Variants in COL15A1 observed in about 807,000 individuals in gnomAD.
The protein encoded by COL15A1 is collagen alpha-1(XV) chain.
COL15A1 carries 111 observed loss-of-function variants against 165.9 expected under a neutral mutation model. That is an observed-to-expected ratio of 0.67 (90% CI 0.57 to 0.78). COL15A1 has a LOEUF of 0.78. Ranked by LOEUF, COL15A1 falls within the 30% of genes least tolerant of loss-of-function variation. COL15A1 has a pLI of 0.00. For missense variants in COL15A1, 1,745 were observed against 1,789.7 expected (o/e 0.98, Z 0.45); for synonymous variants, 659 against 674.8 (o/e 0.98, Z 0.36).
chr9:98,956,815 CA>C (rs1292715890), intron 2 of COL15A1, among the ~76,000 whole-genome samples: 1 of 152,248 alleles, frequency 6.6e-6, no homozygotes, highest in African/African-American at 2.4e-5. Context: ...GCTTCACCCC[CA>C]GAACTCATAA....
intron 23 of COL15A1, 71 bp from the exon 24 acceptor site, chr9:99,041,974 A>T: frequency 9.7e-7 from 1 of 1,030,364 alleles, no homozygotes; most frequent in South Asian, 1.4e-5. Context: ...TTGAGAAAAA[A>T]TATATTTCTG....
In COL15A1 at chr9:98,986,128, A is replaced by G; in HGVS notation, c.648+16A>G. On this transcript the variant is annotated intron_variant, in intron 3 of 41. Coordinates refer to ENST00000375001, the MANE Select transcript of COL15A1 (RefSeq NM_001855.5). ...GAGATTCACTGTGAGTTAAAGTCCC[A>G]CTCCAGGTAGATCAGGGAGGTGGAT... 1 of 1,597,562 alleles carries G rather than the reference A, an allele frequency of 6.3e-7. No individual in the cohort carries two copies. Among genetic ancestry groups the G allele is most frequent in the Non-Finnish European group, 8.6e-7 (1 of 1,167,932 alleles).
At chr9:99,065,820 C>T (rs1289617250) in intron 39 of COL15A1, among the ~76,000 whole-genome samples, 1 of 151,396 alleles carries the variant, frequency 6.6e-6, no homozygotes, top group East Asian at 1.9e-4. Flanking sequence ...TGGGGCCAGT[C>T]TGGACACTCA....
intron 9 of COL15A1, 55 bp from the exon 10 acceptor site, chr9:99,015,362 C>T (rs542962372): frequency 1.5e-6 from 2 of 1,338,750 alleles, no homozygotes; most frequent in East Asian, 4.6e-5. Flanking sequence ...CTCACACCCA[C>T]TGAACCAGGG....
intron 5 of COL15A1, among the ~76,000 whole-genome samples, chr9:98,991,081 G>A (rs1838416395): frequency 6.6e-6 from 1 of 152,180 alleles, no homozygotes; most frequent in Non-Finnish European, 1.5e-5. Flanking sequence ...CTGGCCTCAG[G>A]AGTGAAGCTG....
rs940105487 is a variant in COL15A1 at position 98,944,380 on chromosome 9, G to T, written c.100+130G>T. 7 of 926,370 alleles carry T rather than the reference G, an allele frequency of 7.6e-6. No homozygotes were observed. The South Asian group carries it at 9.3e-5, about 12-fold the overall frequency. 57.4% of individuals were successfully genotyped at this position (926,370 alleles called of 1,614,324 possible). ...AAAAGGGAGTCTTGCCACTCAGTGC[G>T]CACTGGCGGTCCCGCGGGCGGCTAC... On this transcript the variant is annotated intron_variant, in intron 2 of 41. Coordinates refer to ENST00000375001, the MANE Select transcript of COL15A1 (RefSeq NM_001855.5).
chr9:99,069,847 AT>A lies in COL15A1; in HGVS notation c.4129del (p.Cys1377ValfsTer7). Reference sequence around the variant, plus strand: ...GCTGTGCTAATCGGCTAATTGTCCTATGTATCGAAAACAGTTTCATGACAGA... The same window carrying A: ...GCTGTGCTAATCGGCTAATTGTCCTAGTATCGAAAACAGTTTCATGACAGA... The part of the protein sequence containing the change: ...YSCANRLIVL[C>X]IENSFMTDAR... On this transcript the variant is annotated frameshift_variant, in exon 42 of 42. Transcript: ENST00000375001. LOFTEE classifies it high-confidence loss of function. The A allele has an allele frequency of 6.2e-7, 1 of 1,613,996 alleles. No homozygotes were observed. The highest frequency in any genetic ancestry group is 8.5e-7 in the Non-Finnish European group (1 of 1,179,830).
intron 2 of COL15A1, among the ~76,000 whole-genome samples, chr9:98,960,311 G>A (rs1471005498): frequency 6.6e-6 from 1 of 151,990 alleles, no homozygotes; most frequent in Non-Finnish European, 1.5e-5. Flanking sequence ...GAGGTGGGAG[G>A]ATCGCTTGAG....
intron 19 of COL15A1, among the ~76,000 whole-genome samples, chr9:99,035,688 T>G (rs1010785146): frequency 2.6e-5 from 4 of 152,236 alleles, no homozygotes; most frequent in Non-Finnish European, 5.9e-5. Flanking sequence ...TCCCTCTGCC[T>G]CTTCTGTCTC....
chr9:98,949,052 C>T (rs1301100381), intron 2 of COL15A1, among the ~76,000 whole-genome samples: 1 of 152,228 alleles, frequency 6.6e-6, no homozygotes, highest in South Asian at 2.1e-4. Flanking sequence ...ACAGTCATCC[C>T]TTTCTTGCTT....
chr9:98,951,649 C>G (rs1837689038), intron 2 of COL15A1, among the ~76,000 whole-genome samples: 1 of 152,206 alleles, frequency 6.6e-6, no homozygotes, highest in Non-Finnish European at 1.5e-5. Context: ...ATTGAAGCCT[C>G]AAAGTCCTGG....
intron 2 of COL15A1, among the ~76,000 whole-genome samples, chr9:98,958,848 A>T (rs4743296): frequency 0.38 from 57,004 of 151,830 alleles, 10,816 homozygotes; most frequent in African/African-American, 0.41. Flanking sequence ...TGGACTTAGA[A>T]ACTCAAAGTG....
intron 2 of COL15A1, among the ~76,000 whole-genome samples, chr9:98,946,216 G>A (rs928116855): frequency 6.6e-6 from 1 of 152,160 alleles, no homozygotes; most frequent in African/African-American, 2.4e-5. Flanking sequence ...CAGGAGGTGA[G>A]GACTGAGAAC....
chr9:99,015,201 T>C (rs1014386901), intron 9 of COL15A1, among the ~76,000 whole-genome samples: 3 of 152,086 alleles, frequency 2.0e-5, no homozygotes, highest in African/African-American at 7.2e-5. Flanking sequence ...AGAGATGTGC[T>C]AGAAGGGACT....
rs760898049 is a variant in COL15A1, at chr9:99,049,691, G to T, written c.2795G>T (p.Gly932Val). 3.1e-5 allele frequency: 50 copies of T among 1,612,972 alleles called. No individual in the cohort carries two copies. Among genetic ancestry groups the T allele is most frequent in the Non-Finnish European group, 3.9e-5 (46 of 1,179,966 alleles). The change falls in exon 29 of 42, where the codon GGC becomes GTC. Residue 932 changes from glycine (G) to valine (V), a missense_variant and splice_region_variant. Coordinates refer to ENST00000375001, the MANE Select transcript of COL15A1 (RefSeq NM_001855.5). The stretch of plus-strand genomic sequence containing the variant: ...AATGGCCTTTTTTTCTTCCTTCAGG[G>T]CCCACCTGGCTTACCTGGCCCTCCA... ...TKGDPGVIMQ[G>V]PPGLPGPPGP...
At chr9:99,009,846 A>T (rs1052333607) in intron 9 of COL15A1, among the ~76,000 whole-genome samples, 1 of 152,252 alleles carries the variant, frequency 6.6e-6, no homozygotes, top group Non-Finnish European at 1.5e-5. Flanking sequence ...TATAATTTCC[A>T]TAAGCCTTTT....
intron 11 of COL15A1, among the ~76,000 whole-genome samples, chr9:99,019,612 G>A (rs887311182): frequency 6.6e-6 from 1 of 151,218 alleles, no homozygotes; most frequent in Non-Finnish European, 1.5e-5. Flanking sequence ...AGGTCAGTTT[G>A]AATCTCAGAG....
At chr9:99,057,601 G>T (rs1385986546) in intron 35 of COL15A1, among the ~76,000 whole-genome samples, 1 of 152,154 alleles carries the variant, frequency 6.6e-6, no homozygotes, top group Non-Finnish European at 1.5e-5. Context: ...GTACAGGTAA[G>T]GAAAGTGAGG....
At chr9:98,950,543 T>A (rs1318279894) in intron 2 of COL15A1, among the ~76,000 whole-genome samples, 1 of 80,154 alleles carries the variant, frequency 1.2e-5, no homozygotes, top group Non-Finnish European at 2.2e-5. Flanking sequence ...TCCCTTCCCT[T>A]CCCTTCCCCT....
Sources: gnomAD v4.1 joint callset for allele counts (sites outside exome capture counted in the v4.1 genomes callset) on GRCh38, gnomAD v4.1.1 for gene constraint, MANE v1.5 for transcripts, NCBI Gene and HGNC (gene_info 2026-07-23, HGNC 2026-07-21) for gene names.